TDRD7: variants seen among roughly 807,000 people sequenced by gnomAD.
TDRD7 encodes tudor domain containing 7.
TDRD7 carries 47 observed loss-of-function variants against 109.8 expected under a neutral mutation model. The observed-to-expected ratio is 0.43, with a 90% CI of 0.34 to 0.55. The LOEUF (loss-of-function observed/expected upper bound fraction) is 0.55. Ranked by LOEUF, TDRD7 falls within the 20% of genes least tolerant of loss-of-function variation. The pLI is 0.03. For synonymous variants in TDRD7, 424 were observed against 457.3 expected (o/e 0.93, Z 0.93); for missense variants, 1,164 against 1,319.2 (o/e 0.88, Z 1.82).
At chr9:97,443,303 A>G (rs1828344653) in intron 6 of TDRD7, among the ~76,000 whole-genome samples, 1 of 152,236 alleles carries the variant, frequency 6.6e-6, no homozygotes, top group African/African-American at 2.4e-5. Flanking sequence ...GAAAAAAATG[A>G]TTAGGACAAT....
At chr9:97,429,667 G>A (rs543364250) in intron 2 of TDRD7, among the ~76,000 whole-genome samples, 1 of 152,256 alleles carries the variant, frequency 6.6e-6, no homozygotes, top group South Asian at 2.1e-4. Context: ...ATCCCTGATC[G>A]TTCCAGACAG....
chr9:97,414,750 A>G (rs750871066), intron 1 of TDRD7, among the ~76,000 whole-genome samples: 1 of 152,244 alleles, frequency 6.6e-6, no homozygotes, highest in Admixed American at 6.5e-5. Flanking sequence ...ATCTGAGGGT[A>G]TTAATCATCT....
At chr9:97,487,130 T>C (rs1829223879) in intron 15 of TDRD7, 42 bp from the exon 16 acceptor site, 1 of 1,606,666 alleles carries the variant, frequency 6.2e-7, no homozygotes, top group East Asian at 2.2e-5. Flanking sequence ...AGGTACTGAG[T>C]TTATGTGTTT....
chr9:97,420,778 C>G (rs1374643276), intron 1 of TDRD7, among the ~76,000 whole-genome samples: 1 of 152,128 alleles, frequency 6.6e-6, no homozygotes, highest in Non-Finnish European at 1.5e-5. Context: ...CATCATTTCT[C>G]TTGGGCAATA....
At chr9:97,443,990 A>G (rs1828356192) in intron 6 of TDRD7, among the ~76,000 whole-genome samples, 1 of 152,118 alleles carries the variant, frequency 6.6e-6, no homozygotes, top group Non-Finnish European at 1.5e-5. Context: ...TTTCTGGGAA[A>G]TTTTAATCTT....
chr9:97,437,906 A>G (rs1232946091), intron 4 of TDRD7, among the ~76,000 whole-genome samples: 2 of 152,120 alleles, frequency 1.3e-5, no homozygotes, highest in South Asian at 2.1e-4. Context: ...TCTGTTTTTC[A>G]TGCATCCTAG....
At chr9:97,418,928 A>G (rs1321408506) in intron 1 of TDRD7, among the ~76,000 whole-genome samples, 2 of 152,238 alleles carry the variant, frequency 1.3e-5, no homozygotes, top group Admixed American at 6.5e-5. Context: ...AATGAAGGGA[A>G]GGAGAATACC....
chr9:97,424,649 C>A (rs1049241477), intron 1 of TDRD7, among the ~76,000 whole-genome samples: 5 of 151,930 alleles, frequency 3.3e-5, no homozygotes, highest in African/African-American at 1.2e-4. Flanking sequence ...CATCTTTTTT[C>A]TTTTTACTTT....
intron 1 of TDRD7, among the ~76,000 whole-genome samples, chr9:97,421,500 A>G (rs1827898920): frequency 1.3e-5 from 2 of 152,216 alleles, no homozygotes; most frequent in East Asian, 1.9e-4. Context: ...TGTTATGAAA[A>G]TATCTTCTCA....
At chr9:97,436,181 A>T (rs1177340970) in intron 4 of TDRD7, among the ~76,000 whole-genome samples, 1 of 152,264 alleles carries the variant, frequency 6.6e-6, no homozygotes, top group Non-Finnish European at 1.5e-5. Flanking sequence ...CTCCTATTAA[A>T]TTGTTCTCTA....
intron 11 of TDRD7, among the ~76,000 whole-genome samples, chr9:97,474,180 A>AT (rs1336159616): frequency 6.6e-6 from 1 of 151,740 alleles, no homozygotes; most frequent in African/African-American, 2.4e-5. Context: ...TAATTCTACT[A>AT]TTTTTTTCTG....
intron 4 of TDRD7, among the ~76,000 whole-genome samples, chr9:97,436,787 G>A (rs903946857): frequency 1.7e-4 from 26 of 152,138 alleles, no homozygotes; most frequent in African/African-American, 6.0e-4. Context: ...CAGATGTCCT[G>A]TATCAGTCAT....
intron 1 of TDRD7, among the ~76,000 whole-genome samples, chr9:97,413,822 A>G (rs1827765483): frequency 6.6e-6 from 1 of 152,214 alleles, no homozygotes; most frequent in African/African-American, 2.4e-5. Context: ...CAGTCTCTGT[A>G]GATTGAAAAT....
chr9:97,477,100 T>C (rs1390200162), intron 12 of TDRD7, among the ~76,000 whole-genome samples: 1 of 152,248 alleles, frequency 6.6e-6, no homozygotes, highest in Non-Finnish European at 1.5e-5. Flanking sequence ...TATAAGTGTA[T>C]GCATACTAAC....
chr9:97,475,673 A>G (rs1829006775), intron 12 of TDRD7, among the ~76,000 whole-genome samples: 1 of 152,028 alleles, frequency 6.6e-6, no homozygotes, highest in African/African-American at 2.4e-5. Flanking sequence ...CCTCCACCCC[A>G]GTTTCATTTG....
At chr9:97,440,636 A>G (rs962165742) in intron 5 of TDRD7, among the ~76,000 whole-genome samples, 9 of 152,178 alleles carry the variant, frequency 5.9e-5, no homozygotes, top group South Asian at 2.1e-4. Context: ...TCAGCGTCCA[A>G]GTGTCCTCAA....
rs1379543138 is a variant in TDRD7, at chr9:97,483,442, C to G, written c.2915+91C>G. The G allele has an allele frequency of 6.1e-6, 9 of 1,468,208 alleles. No individual in the cohort carries two copies. In the African/African-American group the frequency reaches 1.1e-4, roughly 18 times the overall value. 90.9% of individuals were successfully genotyped at this position (1,468,208 alleles called of 1,614,324 possible). A position where few individuals can be genotyped will look rare whatever the true frequency, so the allele number is the denominator to read the frequency against. On this transcript the variant is annotated intron_variant, in intron 15 of 16. Coordinates refer to ENST00000355295, the MANE Select transcript of TDRD7 (RefSeq NM_014290.3). ...TTAATCTTGGCGGGGGGACTTCGAA[C>G]TGTACTAATGGGAATTTTGAATGTG...
At chr9:97,439,398 G>GCT (rs1828259108) in intron 5 of TDRD7, 80 bp downstream of exon 5, 1 of 1,147,992 alleles carries the variant, frequency 8.7e-7, no homozygotes, top group African/African-American at 1.5e-5. Context: ...TTTGACATTT[G>GCT]CTCTCACCTT....
chr9:97,483,489 CG>C (rs1829159166), intron 15 of TDRD7, 138 bp downstream of exon 15: 1 of 1,074,016 alleles, frequency 9.3e-7, no homozygotes, highest in East Asian at 2.7e-5. Context: ...GTAATTTTTC[CG>C]ATTTTCTAGT....
Sources: allele counts gnomAD v4.1 joint callset (sites outside exome capture counted in the v4.1 genomes callset), GRCh38; gene constraint gnomAD v4.1.1; transcripts MANE v1.5; gene names NCBI Gene and HGNC (gene_info 2026-07-23, HGNC 2026-07-21).